ERI3: variants seen among roughly 807,000 people sequenced by gnomAD.
ERI3 encodes the protein ERI1 exoribonuclease 3.
Under a neutral mutation model 44.4 loss-of-function variants are expected in ERI3, and 18 were observed. That is an observed-to-expected ratio of 0.41 (90% CI 0.28 to 0.60). ERI3 has a LOEUF of 0.60. Ranked by LOEUF, ERI3 falls within the 20% of genes least tolerant of loss-of-function variation. The pLI is 0.36. For synonymous variants in ERI3, 183 were observed against 164.8 expected (o/e 1.11, Z -0.84); for missense variants, 294 against 435.5 (o/e 0.68, Z 2.89).
At chr1:44,303,463 A>G (rs1367734341) in intron 6 of ERI3, among the ~76,000 whole-genome samples, 2 of 152,232 alleles carry the variant, frequency 1.3e-5, no homozygotes, top group Non-Finnish European at 2.9e-5. Context: ...TATTTATTGA[A>G]CAACTACTAT....
chr1:44,350,474 C>A (rs998572692), intron 2 of ERI3, among the ~76,000 whole-genome samples: 3 of 152,116 alleles, frequency 2.0e-5, no homozygotes, highest in Non-Finnish European at 2.9e-5. Flanking sequence ...GTTGGCCAGG[C>A]TGGTCTCAAA....
intron 6 of ERI3, among the ~76,000 whole-genome samples, chr1:44,301,794 C>G (rs1397471250): frequency 6.6e-6 from 1 of 152,188 alleles, no homozygotes; most frequent in African/African-American, 2.4e-5. Context: ...TTTGGCTATC[C>G]AAGTTTCCGA....
chr1:44,328,047 G>A (rs751428185), intron 3 of ERI3, among the ~76,000 whole-genome samples: 1 of 152,190 alleles, frequency 6.6e-6, no homozygotes, highest in African/African-American at 2.4e-5. Context: ...CATAGCCCCA[G>A]GGACTGCTGA....
At chr1:44,354,153 A>G (rs1194258674) in intron 1 of ERI3, 1 of 985,340 alleles carries the variant, frequency 1.0e-6, no homozygotes, top group Non-Finnish European at 1.2e-6. Context: ...ACAACCTACT[A>G]TAGTTTGAAT....
Position 44,339,172 on chromosome 1 carries a change from C to T in ERI3, c.362G>A (p.Arg121Lys). The T allele has an allele frequency of 6.2e-7, 1 of 1,614,006 alleles. No homozygotes were observed. Among genetic ancestry groups the T allele is most frequent in the Non-Finnish European group, 8.5e-7 (1 of 1,180,012 alleles). Residue 121 changes from arginine to lysine, a missense_variant, in exon 3 of 9, where the codon AGA becomes AAA. Physicochemically the swap from Arg to Lys is conservative, Grantham distance 26. Transcript: ENST00000372257. ...GCCAAAGCCGTGGGCCGCCAGCTTT[C>T]TGGTGGATATGGAGCAGAACTCCGG... is the stretch of plus-strand genomic sequence containing the variant. ...GVPEFCSIST[R>K]KLAAHGFGAS...
Position 44,321,413 on chromosome 1 carries a change from C to T in ERI3, c.490-1669G>A, listed in dbSNP as rs75111890. Among the ~76,000 whole-genome samples, 61 of 152,264 alleles carry T rather than the reference C, an allele frequency of 4.0e-4. No homozygotes were observed. The East Asian group carries it at 8.9e-3, about 22-fold the overall frequency. Reference sequence around the variant, plus strand: ...CTGCTTAGACCAGGTAATACCTCTCCTTCCAAGGTGAAGAGAGGGGGACAC... The same window carrying T: ...CTGCTTAGACCAGGTAATACCTCTCTTTCCAAGGTGAAGAGAGGGGGACAC... On this transcript the variant is annotated intron_variant, in intron 3 of 8. Transcript: ENST00000372257.
chr1:44,306,406 G>A (rs1035370560), intron 6 of ERI3, among the ~76,000 whole-genome samples: 1 of 152,230 alleles, frequency 6.6e-6, no homozygotes, highest in Non-Finnish European at 1.5e-5. Flanking sequence ...CAGTCAGAAG[G>A]TGCGGATGCG....
At chr1:44,291,721 C>T (rs912157350) in intron 6 of ERI3, among the ~76,000 whole-genome samples, 2 of 152,146 alleles carry the variant, frequency 1.3e-5, no homozygotes, top group African/African-American at 4.8e-5. Flanking sequence ...ACAGAGAGTC[C>T]CACACTGCTG....
intron 6 of ERI3, among the ~76,000 whole-genome samples, chr1:44,306,231 A>T (rs891479004): frequency 6.6e-6 from 1 of 152,010 alleles, no homozygotes; most frequent in African/African-American, 2.4e-5. Flanking sequence ...CCCAGTCCAA[A>T]CCCAAACCAG....
intron 7 of ERI3, among the ~76,000 whole-genome samples, chr1:44,281,601 A>AAAATATATATATATAT (rs1460400186): frequency 1.6e-5 from 2 of 128,022 alleles, no homozygotes; most frequent in African/African-American, 6.7e-5. Flanking sequence ...AAAAAAAAAA[A>AAAATATATATATATAT]ATATATATAT....
At chr1:44,315,573 G>A (rs1251632615) in intron 4 of ERI3, among the ~76,000 whole-genome samples, 3 of 152,254 alleles carry the variant, frequency 2.0e-5, no homozygotes, top group Non-Finnish European at 4.4e-5. Flanking sequence ...AGTGCTCAGT[G>A]ATCCTAGAAT....
At chr1:44,259,309 T>G (rs1409454933) in intron 7 of ERI3, among the ~76,000 whole-genome samples, 10 of 144,264 alleles carry the variant, frequency 6.9e-5, no homozygotes, top group African/African-American at 1.8e-4. Flanking sequence ...GGAGGTGGGG[T>G]GGGGGAAGGG....
At chr1:44,308,545 C>A (rs1645888876) in intron 5 of ERI3, 144 bp from the exon 6 acceptor site, 3 of 726,744 alleles carry the variant, frequency 4.1e-6, no homozygotes, top group East Asian at 5.0e-5. Flanking sequence ...CCACTGTGGG[C>A]TCTCAGGCTT....
Position 44,339,689 on chromosome 1 carries a change from C to T in ERI3, c.212-367G>A, listed in dbSNP as rs76881694. ...CAGGTGGCAACAGTTAACATTAAAG[C>T]TATGGGTCCAAAGTAACGTGAGGTG... is the stretch of plus-strand genomic sequence containing the variant. On this transcript the variant is annotated intron_variant, in intron 2 of 8. Coordinates refer to ENST00000372257, the MANE Select transcript of ERI3 (RefSeq NM_024066.3). Among the ~76,000 whole-genome samples the T allele has an allele frequency of 8.5e-3, 1,288 of 152,254 alleles. 18 individuals carry two copies. The highest frequency in any genetic ancestry group is 0.029 in the African/African-American group (1,193 of 41,540).
intron 8 of ERI3, among the ~76,000 whole-genome samples, chr1:44,225,687 C>G (rs1405404347): frequency 6.6e-6 from 1 of 152,144 alleles, no homozygotes; most frequent in Non-Finnish European, 1.5e-5. Context: ...AAGGGTTGCT[C>G]AGATCACTTA....
chr1:44,267,168 G>A (rs962264484), intron 7 of ERI3, among the ~76,000 whole-genome samples: 1 of 152,238 alleles, frequency 6.6e-6, no homozygotes, highest in African/African-American at 2.4e-5. Flanking sequence ...ACCCAAGGCA[G>A]TGGGCCTAAA....
chr1:44,293,578 T>C (rs1445907531), intron 6 of ERI3, among the ~76,000 whole-genome samples: 1 of 152,308 alleles, frequency 6.6e-6, no homozygotes, highest in East Asian at 1.9e-4. Flanking sequence ...GCACCAGTCC[T>C]AACAGGAAGC....
At chr1:44,256,550 T>A (rs1171631520) in intron 7 of ERI3, among the ~76,000 whole-genome samples, 3 of 152,206 alleles carry the variant, frequency 2.0e-5, no homozygotes, top group Non-Finnish European at 4.4e-5. Context: ...GCCCCAGAGC[T>A]GCTGCTGCCT....
intron 8 of ERI3, among the ~76,000 whole-genome samples, chr1:44,223,704 C>A (rs991850356): frequency 6.6e-6 from 1 of 152,166 alleles, no homozygotes; most frequent in Non-Finnish European, 1.5e-5. Flanking sequence ...TGTCCCAGCC[C>A]CAACCCCCAG....
Sources: gnomAD v4.1 joint callset for allele counts (sites outside exome capture counted in the v4.1 genomes callset) on GRCh38, gnomAD v4.1.1 for gene constraint, MANE v1.5 for transcripts, NCBI Gene and HGNC (gene_info 2026-07-23, HGNC 2026-07-21) for gene names.